COX7B2: variants seen among roughly 807,000 people sequenced by gnomAD.
The protein encoded by COX7B2 is cytochrome c oxidase subunit 7B2.
For missense variants in COX7B2, 109 were observed against 95.9 expected, an observed-to-expected ratio of 1.14 and a Z score of -0.57; for synonymous variants, 37 against 32.1, an observed-to-expected ratio of 1.15 and a Z score of -0.51.
intron 1 of COX7B2, among the ~76,000 whole-genome samples, chr4:46,869,542 G>A (rs893905062): frequency 1.3e-5 from 2 of 152,050 alleles, no homozygotes; most frequent in Non-Finnish European, 2.9e-5. Context: ...ATCCTTTCAA[G>A]TTCTCTTGTA....
At chr4:46,880,371 T>C (rs1460780323) in intron 1 of COX7B2, among the ~76,000 whole-genome samples, 2 of 150,102 alleles carry the variant, frequency 1.3e-5, no homozygotes, top group Non-Finnish European at 3.0e-5. Flanking sequence ...CTTTCTATAA[T>C]ACATCCGGTA....
chr4:46,763,265 ATTG>A (rs964379200), intron 2 of COX7B2, among the ~76,000 whole-genome samples: 5 of 142,016 alleles, frequency 3.5e-5, no homozygotes, highest in African/African-American at 5.2e-5. Context: ...CACACACACA[ATTG>A]TTTGTTTCAA....
At chr4:46,823,021 T>A (rs1714412928) in intron 2 of COX7B2, among the ~76,000 whole-genome samples, 1 of 152,150 alleles carries the variant, frequency 6.6e-6, no homozygotes. Context: ...GACCAGCATT[T>A]CCTTAACATG....
chr4:46,834,491 A>C (rs750857484), intron 2 of COX7B2, among the ~76,000 whole-genome samples: 28 of 152,274 alleles, frequency 1.8e-4, no homozygotes, highest in African/African-American at 6.5e-4. Context: ...TAGGATAAAC[A>C]TGGCATAGCA....
intron 2 of COX7B2, among the ~76,000 whole-genome samples, chr4:46,817,381 C>G (rs1719610471): frequency 6.6e-6 from 1 of 152,120 alleles, no homozygotes; most frequent in Non-Finnish European, 1.5e-5. Flanking sequence ...ATAAATGTAG[C>G]TACAAGGTCA....
At chr4:46,793,530 T>C (rs942177201) in intron 2 of COX7B2, among the ~76,000 whole-genome samples, 1 of 152,130 alleles carries the variant, frequency 6.6e-6, no homozygotes, top group South Asian at 2.1e-4. Context: ...CTAACAAATA[T>C]AGTAAGTTTG....
intron 2 of COX7B2, among the ~76,000 whole-genome samples, chr4:46,776,050 C>T (rs1285012175): frequency 6.6e-6 from 1 of 151,986 alleles, no homozygotes; most frequent in Non-Finnish European, 1.5e-5. Context: ...TGCTCCTGTG[C>T]CCTGAAGATA....
At chr4:46,792,309 T>A (rs1718091024) in intron 2 of COX7B2, among the ~76,000 whole-genome samples, 1 of 152,222 alleles carries the variant, frequency 6.6e-6, no homozygotes, top group Non-Finnish European at 1.5e-5. Flanking sequence ...GGCAATGGGA[T>A]GCCCAGATAT....
At chr4:46,860,165 C>T (rs373852715) in intron 1 of COX7B2, among the ~76,000 whole-genome samples, 28 of 152,172 alleles carry the variant, frequency 1.8e-4, no homozygotes, top group Non-Finnish European at 2.6e-4. Context: ...GATGGTAAAG[C>T]GAGGTGGCAA....
chr4:46,869,379 A>T (rs972931962), intron 1 of COX7B2, among the ~76,000 whole-genome samples: 2 of 152,076 alleles, frequency 1.3e-5, no homozygotes, highest in South Asian at 2.1e-4. Context: ...ATTCAAGGTT[A>T]GTATTGATAT....
chr4:46,792,200 G>T (rs548738519), intron 2 of COX7B2, among the ~76,000 whole-genome samples: 1 of 152,182 alleles, frequency 6.6e-6, no homozygotes, highest in African/African-American at 2.4e-5. Flanking sequence ...CTGACTAAGA[G>T]ATGTTATTGA....
At chr4:46,755,158 A>C (rs993893067) in intron 2 of COX7B2, among the ~76,000 whole-genome samples, 1 of 152,084 alleles carries the variant, frequency 6.6e-6, no homozygotes, top group Non-Finnish European at 1.5e-5. Flanking sequence ...AATGCTGTAC[A>C]TCACATAAAC....
chr4:46,898,698 T>G (rs1292447542), intron 1 of COX7B2, among the ~76,000 whole-genome samples: 1 of 152,164 alleles, frequency 6.6e-6, no homozygotes, highest in Admixed American at 6.5e-5. Context: ...ATGCTGGGAT[T>G]ACAAGCGTGA....
chr4:46,874,137 T>G (rs184896704), intron 1 of COX7B2, among the ~76,000 whole-genome samples: 4 of 152,014 alleles, frequency 2.6e-5, no homozygotes, highest in Non-Finnish European at 5.9e-5. Flanking sequence ...GTCTTTTTTT[T>G]AAAAAAAGAA....
At chr4:46,793,584 G>T (rs115155441) in intron 2 of COX7B2, among the ~76,000 whole-genome samples, 2 of 152,160 alleles carry the variant, frequency 1.3e-5, no homozygotes, top group African/African-American at 4.8e-5. Flanking sequence ...AGAAAAGGAT[G>T]AGCTCACGGA....
intron 1 of COX7B2, among the ~76,000 whole-genome samples, chr4:46,877,239 G>A (rs7676918): frequency 0.13 from 20,403 of 152,156 alleles, 1,492 homozygotes; most frequent in South Asian, 0.26. Flanking sequence ...TACACATGAG[G>A]AAACATAGTG....
chr4:46,736,657 T>C (rs1400401226), intron 2 of COX7B2, among the ~76,000 whole-genome samples: 1 of 152,190 alleles, frequency 6.6e-6, no homozygotes, highest in Non-Finnish European at 1.5e-5. Flanking sequence ...CTGATCTTTT[T>C]ACTGTCTCCA....
At chr4:46,747,537 C>T (rs1333413078) in intron 2 of COX7B2, among the ~76,000 whole-genome samples, 4 of 152,058 alleles carry the variant, frequency 2.6e-5, no homozygotes, top group East Asian at 1.9e-4. Context: ...CTCTTGACCT[C>T]GTGATCCACC....
chr4:46,865,622 G>T (rs1304283450), intron 1 of COX7B2, among the ~76,000 whole-genome samples: 3 of 152,106 alleles, frequency 2.0e-5, no homozygotes, highest in Admixed American at 1.3e-4. Context: ...TTTTGTCCTT[G>T]TTGGGTGTAG....
Sources: gnomAD v4.1 joint callset for allele counts (sites outside exome capture counted in the v4.1 genomes callset) on GRCh38, gnomAD v4.1.1 for gene constraint, MANE v1.5 for transcripts, NCBI Gene and HGNC (gene_info 2026-07-23, HGNC 2026-07-21) for gene names.